NETO1: variants seen among roughly 807,000 people sequenced by gnomAD.
The protein encoded by NETO1 is neuropilin and tolloid-like protein 1.
A neutral mutation model predicts 61.3 loss-of-function variants in NETO1; 26 were observed. That is an observed-to-expected ratio of 0.42 (90% CI 0.31 to 0.59). The LOEUF (loss-of-function observed/expected upper bound fraction) is 0.59. Ranked by LOEUF, NETO1 falls within the 20% of genes least tolerant of loss-of-function variation. NETO1 has a pLI of 0.12. For synonymous variants in NETO1, 225 were observed against 225.8 expected (o/e 1.00, Z 0.03); for missense variants, 531 against 662.8 (o/e 0.80, Z 2.18).
chr18:72,781,150 T>G (rs1266952326), intron 7 of NETO1, among the ~76,000 whole-genome samples: 2 of 152,206 alleles, frequency 1.3e-5, no homozygotes, highest in Non-Finnish European at 2.9e-5. Flanking sequence ...TTTTATGGTA[T>G]ACTTTTGATT....
At chr18:72,798,688 T>A (rs2072401477) in intron 4 of NETO1, among the ~76,000 whole-genome samples, 1 of 152,184 alleles carries the variant, frequency 6.6e-6, no homozygotes, top group African/African-American at 2.4e-5. Context: ...AAGCTAAGCC[T>A]AGCCAAAATG....
Position 72,835,381 on chromosome 18 carries a change from G to A in NETO1, c.469+23445C>T, listed in dbSNP as rs371721379. 8.4e-6 allele frequency: 12 copies of A among 1,420,742 alleles called. No homozygotes were observed. The African/African-American group carries it at 1.4e-4, about 17-fold the overall frequency. The allele number at this position is 1,420,742 out of a possible 1,614,324, so 88.0% of individuals were successfully genotyped here. ...ACCAGTATATGATCAGGCATGAATT[G>A]TAGGAAGTCCACTTTAACAGCTGTT... On this transcript the variant is annotated intron_variant, in intron 4 of 10. Coordinates refer to ENST00000327305, the MANE Select transcript of NETO1 (RefSeq NM_138966.5).
At chr18:72,845,218 C>G (rs192547592) in intron 4 of NETO1, among the ~76,000 whole-genome samples, 3 of 152,138 alleles carry the variant, frequency 2.0e-5, no homozygotes, top group Admixed American at 2.0e-4. Flanking sequence ...TATAAGTAGC[C>G]TGACTGTATC....
At chr18:72,807,457 C>T (rs17086333) in intron 4 of NETO1, among the ~76,000 whole-genome samples, 3,901 of 152,128 alleles carry the variant, frequency 0.026, 162 homozygotes, top group African/African-American at 0.089. Flanking sequence ...CCTCATGGTG[C>T]GTGTATTCAC....
At chr18:72,848,412 A>T (rs1052763338) in intron 4 of NETO1, among the ~76,000 whole-genome samples, 2 of 152,106 alleles carry the variant, frequency 1.3e-5, no homozygotes, top group Non-Finnish European at 2.9e-5. Context: ...ATCAGGTATG[A>T]GTGAGGGTCT....
At chr18:72,761,088 T>G (rs949999302) in intron 7 of NETO1, among the ~76,000 whole-genome samples, 2 of 152,050 alleles carry the variant, frequency 1.3e-5, no homozygotes, top group African/African-American at 4.8e-5. Flanking sequence ...AATGTTAAGA[T>G]GTATGATATA....
At chr18:72,763,007 T>G (rs2071029796) in intron 7 of NETO1, among the ~76,000 whole-genome samples, 1 of 152,216 alleles carries the variant, frequency 6.6e-6, no homozygotes, top group Non-Finnish European at 1.5e-5. Flanking sequence ...TAGTTATAGA[T>G]GTACCTCCGA....
At chr18:72,812,199 A>G (rs757580245) in intron 4 of NETO1, among the ~76,000 whole-genome samples, 50 of 152,214 alleles carry the variant, frequency 3.3e-4, no homozygotes, top group Non-Finnish European at 6.3e-4. Context: ...TTCACGAAAG[A>G]TTATAAAGTG....
At position 72,867,306 on chromosome 18, in the gene NETO1, C is replaced by T. The variant is rs750697723; in HGVS notation, c.-15G>A. Reference sequence around the variant, plus strand: ...CCATGGATCATGTCTGTGCGTTACACCAGAGGCTCCGGGCTCCACTAATTC... The same window carrying T: ...CCATGGATCATGTCTGTGCGTTACATCAGAGGCTCCGGGCTCCACTAATTC... On this transcript the variant is annotated 5_prime_UTR_variant, in exon 1 of 11. It adds an upstream start codon to the 5' untranslated region. Coordinates refer to ENST00000327305, the MANE Select transcript of NETO1 (RefSeq NM_138966.5). 29 of 1,564,890 alleles carry T rather than the reference C, an allele frequency of 1.9e-5. No homozygotes were observed. Among genetic ancestry groups the T allele is most frequent in the African/African-American group, 2.8e-5 (2 of 71,666 alleles).
chr18:72,835,511 G>A (rs2073717104), intron 4 of NETO1, among the ~76,000 whole-genome samples: 1 of 152,166 alleles, frequency 6.6e-6, no homozygotes, highest in African/African-American at 2.4e-5. Flanking sequence ...CTGAATTAGT[G>A]CTGAGGTAGA....
intron 4 of NETO1, among the ~76,000 whole-genome samples, chr18:72,795,470 A>G (rs900592427): frequency 1.3e-5 from 2 of 152,198 alleles, no homozygotes; most frequent in African/African-American, 4.8e-5. Context: ...TGATGCACAT[A>G]TATTCCTATT....
intron 4 of NETO1, among the ~76,000 whole-genome samples, chr18:72,823,745 G>T (rs746788067): frequency 3.0e-4 from 45 of 152,210 alleles, no homozygotes; most frequent in Non-Finnish European, 4.6e-4. Context: ...CATGAGAAAA[G>T]AATATAAAAT....
intron 4 of NETO1, among the ~76,000 whole-genome samples, chr18:72,846,817 TTCTC>T (rs1418485711): frequency 3.3e-5 from 5 of 152,304 alleles, no homozygotes; most frequent in South Asian, 4.1e-4. Flanking sequence ...CCCATGGAAA[TTCTC>T]TCTGTTTTAG....
At chr18:72,848,748 C>G (rs947179306) in intron 4 of NETO1, among the ~76,000 whole-genome samples, 2 of 152,130 alleles carry the variant, frequency 1.3e-5, no homozygotes, top group Non-Finnish European at 2.9e-5. Flanking sequence ...CCTACTGACA[C>G]AGTAGCACAC....
chr18:72,748,067 T>C lies in NETO1; in HGVS notation c.*112A>G. 1.2e-6 allele frequency: 1 copy of C among 835,696 alleles called. No homozygotes were observed. The highest frequency in any genetic ancestry group is 1.8e-5 in the African/African-American group (1 of 54,292). 51.8% of individuals were successfully genotyped at this position (835,696 alleles called of 1,614,324 possible). A position where few individuals can be genotyped will look rare whatever the true frequency, so the allele number is the denominator to read the frequency against. ...AATGTCTGTAATTCTTAAGTTTGGATAAAGGCAGTGGAATGAATTTAGAAA... is the reference window on the plus strand; with the variant it reads ...AATGTCTGTAATTCTTAAGTTTGGACAAAGGCAGTGGAATGAATTTAGAAA... On this transcript the variant is annotated 3_prime_UTR_variant, in exon 11 of 11. Transcript: ENST00000327305.
At chr18:72,774,174 A>C (rs1049996700) in intron 7 of NETO1, among the ~76,000 whole-genome samples, 2 of 152,160 alleles carry the variant, frequency 1.3e-5, no homozygotes, top group African/African-American at 4.8e-5. Flanking sequence ...ATGGTGCAAA[A>C]GTTGTAAAGA....
chr18:72,761,712 AC>A (rs2145133225), intron 7 of NETO1, among the ~76,000 whole-genome samples: 1 of 152,114 alleles, frequency 6.6e-6, no homozygotes, highest in African/African-American at 2.4e-5. Flanking sequence ...CAAAATCTTC[AC>A]AGTAATTTAG....
At position 72,771,468 on chromosome 18, in the gene NETO1, T is replaced by C. The variant is rs148402434; in HGVS notation, c.868+12210A>G. Among the ~76,000 whole-genome samples, 463 of 152,316 alleles carry C rather than the reference T, an allele frequency of 3.0e-3. 1 individual carries two copies. The highest frequency in any genetic ancestry group is 0.01 in the Middle Eastern group (3 of 294). ...CACTTGAGTTGAATCTGAGTTAGTGTGGAAGTGCGGTGCCTTCAGAGAAGC... is the reference window on the plus strand; with the variant it reads ...CACTTGAGTTGAATCTGAGTTAGTGCGGAAGTGCGGTGCCTTCAGAGAAGC... On this transcript the variant is annotated intron_variant, in intron 7 of 10. Transcript: ENST00000327305.
At chr18:72,854,091 T>G (rs2074342695) in intron 4 of NETO1, among the ~76,000 whole-genome samples, 1 of 152,082 alleles carries the variant, frequency 6.6e-6, no homozygotes, top group Admixed American at 6.5e-5. Flanking sequence ...ACACTCCATT[T>G]AAATCACTGC....
Sources: gnomAD v4.1 joint callset for allele counts (sites outside exome capture counted in the v4.1 genomes callset) on GRCh38, gnomAD v4.1.1 for gene constraint, MANE v1.5 for transcripts, NCBI Gene and HGNC (gene_info 2026-07-23, HGNC 2026-07-21) for gene names.